DPP10: variants seen among roughly 807,000 people sequenced by gnomAD.
DPP10 encodes dipeptidyl peptidase like 10.
Under a neutral mutation model 120.9 loss-of-function variants are expected in DPP10, and 33 were observed. That is an observed-to-expected ratio of 0.27 (90% CI 0.21 to 0.37). The LOEUF (loss-of-function observed/expected upper bound fraction) is 0.37, where lower values mean the gene tolerates loss of function less well. DPP10 is among the 10% of genes least tolerant of loss of function. The probability of loss-of-function intolerance (pLI) is 1.00; values close to 1 mark genes in which losing one functional copy is unlikely to be tolerated. For missense variants in DPP10, 816 were observed against 942.8 expected (o/e 0.87, Z 1.76); for synonymous variants, 337 against 326.1 (o/e 1.03, Z -0.36).
chr2:114,947,494 A>G (rs1047158556), intron 1 of DPP10, among the ~76,000 whole-genome samples: 4 of 151,628 alleles, frequency 2.6e-5, no homozygotes, highest in Non-Finnish European at 5.9e-5. Context: ...CTACTAGTTT[A>G]TTTCCCTCAA....
intron 1 of DPP10, among the ~76,000 whole-genome samples, chr2:115,118,613 T>G (rs1233301295): frequency 6.6e-6 from 1 of 152,150 alleles, no homozygotes; most frequent in Non-Finnish European, 1.5e-5. Flanking sequence ...GGTCTCACTC[T>G]GTCACTCAGG....
intron 21 of DPP10, among the ~76,000 whole-genome samples, chr2:115,827,410 GTGTGTATATA>G (rs1279051967): frequency 8.2e-5 from 8 of 97,236 alleles, no homozygotes; most frequent in South Asian, 6.4e-4. Flanking sequence ...GTGTATGTGT[GTGTGTATATA>G]TATATATATA....
At chr2:115,024,846 T>A (rs1284526668) in intron 1 of DPP10, among the ~76,000 whole-genome samples, 1 of 148,836 alleles carries the variant, frequency 6.7e-6, no homozygotes, top group African/African-American at 2.4e-5. Flanking sequence ...TGTGTGTGTG[T>A]ATCTATATAT....
chr2:115,420,177 T>C (rs1469327544), intron 3 of DPP10, among the ~76,000 whole-genome samples: 1 of 152,212 alleles, frequency 6.6e-6, no homozygotes, highest in Admixed American at 6.5e-5. Flanking sequence ...CCTGAGAGGC[T>C]CTACATCTGA....
At chr2:115,598,513 T>G (rs1208892129) in intron 5 of DPP10, among the ~76,000 whole-genome samples, 1 of 152,004 alleles carries the variant, frequency 6.6e-6, no homozygotes, top group Non-Finnish European at 1.5e-5. Flanking sequence ...GAACAATATA[T>G]AACAGTATAC....
intron 1 of DPP10, among the ~76,000 whole-genome samples, chr2:114,896,256 T>C (rs1408219828): frequency 6.6e-6 from 1 of 152,196 alleles, no homozygotes; most frequent in East Asian, 1.9e-4. Context: ...AGTAGTTTTT[T>C]CCAATTCTGT....
At chr2:114,754,284 G>C (rs929510984) in intron 1 of DPP10, among the ~76,000 whole-genome samples, 2 of 152,152 alleles carry the variant, frequency 1.3e-5, no homozygotes, top group Non-Finnish European at 2.9e-5. Context: ...GTGGTCACTT[G>C]TTCTGTTCAC....
chr2:115,477,936 G>A (rs2075194552), intron 3 of DPP10, among the ~76,000 whole-genome samples: 1 of 152,110 alleles, frequency 6.6e-6, no homozygotes, highest in South Asian at 2.1e-4. Flanking sequence ...GTCGATCATG[G>A]CAGAAGGAAA....
intron 1 of DPP10, among the ~76,000 whole-genome samples, chr2:114,728,092 C>T (rs1305870121): frequency 6.6e-6 from 1 of 152,148 alleles, no homozygotes; most frequent in African/African-American, 2.4e-5. Flanking sequence ...TTTCCATCTA[C>T]TTGAAAGACT....
chr2:114,976,692 C>T (rs1296917049), intron 1 of DPP10, among the ~76,000 whole-genome samples: 1 of 152,158 alleles, frequency 6.6e-6, no homozygotes, highest in Non-Finnish European at 1.5e-5. Context: ...AGTATTTCTT[C>T]ATCCTTGAAG....
At chr2:115,019,094 C>T (rs1215526663) in intron 1 of DPP10, among the ~76,000 whole-genome samples, 1 of 151,664 alleles carries the variant, frequency 6.6e-6, no homozygotes, top group Non-Finnish European at 1.5e-5. Context: ...CCCTGCCACT[C>T]AGCTTCACCG....
chr2:115,426,640 G>A (rs895262854), intron 3 of DPP10, among the ~76,000 whole-genome samples: 2 of 150,084 alleles, frequency 1.3e-5, no homozygotes, highest in African/African-American at 2.5e-5. Context: ...TGCCACCTCC[G>A]ACGCTGGAGA....
chr2:114,657,564 C>T (rs1358243861), intron 1 of DPP10, among the ~76,000 whole-genome samples: 1 of 152,042 alleles, frequency 6.6e-6, no homozygotes, highest in Non-Finnish European at 1.5e-5. Context: ...GTTCTTTATA[C>T]ATAGTTTGAG....
chr2:115,731,379 T>C (rs1479522004), intron 8 of DPP10, among the ~76,000 whole-genome samples: 1 of 138,108 alleles, frequency 7.2e-6, no homozygotes, highest in African/African-American at 2.8e-5. Context: ...TTTAACTGGG[T>C]GGGGTGGTGG....
chr2:115,809,728 C>T (rs1686411694), intron 19 of DPP10, among the ~76,000 whole-genome samples: 1 of 152,190 alleles, frequency 6.6e-6, no homozygotes, highest in Non-Finnish European at 1.5e-5. Context: ...CCCCTCTTTC[C>T]ACTGCCCCAG....
At chr2:115,567,665 A>T (rs2149076266) in intron 5 of DPP10, among the ~76,000 whole-genome samples, 1 of 152,286 alleles carries the variant, frequency 6.6e-6, no homozygotes, top group East Asian at 1.9e-4. Context: ...TTCATGGATA[A>T]CCTTGTTTAT....
At chr2:114,916,945 C>T (rs979452733) in intron 1 of DPP10, among the ~76,000 whole-genome samples, 11 of 152,158 alleles carry the variant, frequency 7.2e-5, no homozygotes, top group African/African-American at 2.4e-4. Flanking sequence ...TTCTATTAAA[C>T]ATAGTACTGG....
intron 1 of DPP10, among the ~76,000 whole-genome samples, chr2:115,282,234 A>G (rs1403009214): frequency 6.6e-6 from 1 of 152,074 alleles, no homozygotes; most frequent in African/African-American, 2.4e-5. Flanking sequence ...CATAATAGTT[A>G]TGTCTCACTT....
Position 114,540,710 on chromosome 2 carries a change from A to C in DPP10, c.60+97872A>C, listed in dbSNP as rs776872372. 2.0e-4 allele frequency among the ~76,000 whole-genome samples: 31 copies of C among 152,230 alleles called. 1 individual carries two copies. The highest frequency in any genetic ancestry group is 3.8e-4 in the Non-Finnish European group (26 of 68,034). On this transcript the variant is annotated intron_variant, in intron 1 of 25. Transcript: ENST00000410059. ...TTATTGCTGAATTTGATTTAATTAC[A>C]TCAGGGCTTAAGGAAAAGGAGTCTA...
Sources: allele counts gnomAD v4.1 joint callset (sites outside exome capture counted in the v4.1 genomes callset), GRCh38; gene constraint gnomAD v4.1.1; transcripts MANE v1.5; gene names NCBI Gene and HGNC (gene_info 2026-07-23, HGNC 2026-07-21).